The following PIWIL3 variants were observed in gnomAD, a reference collection of about 807,000 sequenced individuals.
PIWIL3 encodes the protein piwi like RNA-mediated gene silencing 3, also known as piwi-like protein 3.
In PIWIL3, 101 loss-of-function variants were observed where a neutral mutation model predicts 109.7. The ratio of observed to expected loss-of-function variants is 0.92; its 90% CI spans 0.78 to 1.09. The LOEUF is 1.09. PIWIL3 is among the 50% of genes least tolerant of loss of function. The pLI is 0.00. For synonymous variants in PIWIL3, 373 were observed against 376.4 expected (o/e 0.99, Z 0.10); for missense variants, 1,031 against 1,072.6 (o/e 0.96, Z 0.54).
At chr22:24,772,898 T>G (rs199881179) in intron 1 of PIWIL3, among the ~76,000 whole-genome samples, 1 of 152,182 alleles carries the variant, frequency 6.6e-6, no homozygotes, top group East Asian at 1.9e-4. Context: ...TTAACAGTTA[T>G]CTGGACCTCA....
intron 3 of PIWIL3, among the ~76,000 whole-genome samples, chr22:24,758,494 T>C (rs945664044): frequency 1.3e-5 from 2 of 152,250 alleles, no homozygotes; most frequent in Non-Finnish European, 2.9e-5. Flanking sequence ...CTATTTCAAC[T>C]TACATTCTAA....
chr22:24,744,373 C>A (rs1924228540), intron 12 of PIWIL3, among the ~76,000 whole-genome samples: 1 of 151,840 alleles, frequency 6.6e-6, no homozygotes. Flanking sequence ...GAGTTCGAGA[C>A]CAGCCTGACC....
At chr22:24,755,962 T>C (rs1925008617) in intron 5 of PIWIL3, 57 bp from the exon 6 acceptor site, 19 of 1,565,858 alleles carry the variant, frequency 1.2e-5, no homozygotes, top group Non-Finnish European at 1.7e-5. Flanking sequence ...AAAACTAAAC[T>C]TCATTGCACG....
chr22:24,743,902 G>C (rs1924154101), intron 12 of PIWIL3, among the ~76,000 whole-genome samples: 1 of 152,012 alleles, frequency 6.6e-6, no homozygotes, highest in Non-Finnish European at 1.5e-5. Context: ...TTGTTTGTTT[G>C]CAAGCAGTGT....
chr22:24,755,524 G>A (rs1012801424), intron 6 of PIWIL3, among the ~76,000 whole-genome samples: 3 of 152,118 alleles, frequency 2.0e-5, no homozygotes, highest in Non-Finnish European at 2.9e-5. Flanking sequence ...GATGTGCACA[G>A]CTGATGTCTA....
At chr22:24,736,864 T>C (rs935368022) in intron 12 of PIWIL3, among the ~76,000 whole-genome samples, 4 of 152,092 alleles carry the variant, frequency 2.6e-5, no homozygotes, top group Admixed American at 1.3e-4. Flanking sequence ...TGGCCACCCA[T>C]AGGGGGAACA....
intron 12 of PIWIL3, among the ~76,000 whole-genome samples, chr22:24,743,994 A>G (rs1924162236): frequency 6.6e-6 from 1 of 152,054 alleles, no homozygotes; most frequent in Admixed American, 6.5e-5. Context: ...TGGATACACA[A>G]AACAAACAAG....
chr22:24,719,891 C>A lies in PIWIL3; in HGVS notation c.2362G>T (p.Asp788Tyr), dbSNP rs933056044. The change falls in exon 20 of 21, where the codon GAC becomes TAC. Residue 788 changes from aspartate (D) to tyrosine (Y), a missense_variant. Coordinates refer to ENST00000616349, the MANE Select transcript of PIWIL3 (RefSeq NM_001255975.1). Reference sequence around the variant, plus strand: ...ACAGACTGACTCACAATAAAAAAGTCATACCTGGAAATATAGGACATGTGG... The same window carrying A: ...ACAGACTGACTCACAATAAAAAAGTAATACCTGGAAATATAGGACATGTGG... ...DVELTRNEWY[D>Y]FFIVSQSVQD... is the part of the protein sequence containing the mutation. 3 of 1,608,534 alleles carry A rather than the reference C, an allele frequency of 1.9e-6. No homozygotes were observed. The highest frequency in any genetic ancestry group is 2.6e-6 in the Non-Finnish European group (3 of 1,176,050).
intron 12 of PIWIL3, among the ~76,000 whole-genome samples, chr22:24,741,741 A>C (rs1261195671): frequency 6.6e-6 from 1 of 152,196 alleles, no homozygotes; most frequent in African/African-American, 2.4e-5. Flanking sequence ...AGGAACACCC[A>C]AAATCATGCA....
At chr22:24,741,452 C>A (rs146585108) in intron 12 of PIWIL3, among the ~76,000 whole-genome samples, 226 of 152,164 alleles carry the variant, frequency 1.5e-3, no homozygotes, top group African/African-American at 5.3e-3. Flanking sequence ...TGTAGTGAAC[C>A]AAGGTTGTGC....
intron 1 of PIWIL3, among the ~76,000 whole-genome samples, chr22:24,763,103 A>G (rs1260992883): frequency 6.6e-6 from 1 of 151,986 alleles, no homozygotes; most frequent in Non-Finnish European, 1.5e-5. Context: ...TCAGCAGAGA[A>G]GCATCCTATA....
At position 24,748,928 on chromosome 22, in the gene PIWIL3, GT is replaced by G. The variant is rs1924537344; in HGVS notation, c.1427del (p.Asn476ThrfsTer21). The part of the protein sequence containing the change: ...SVPGRVLKNA[N>X]IVQGRRMVKA... ...TTACCATTCTTCTGCCTTGCACGAT[GT>G]TTGCGTTTTTCAAAACTCTTCCCGG... On this transcript the variant is annotated frameshift_variant, in exon 12 of 21. Coordinates refer to ENST00000616349, the MANE Select transcript of PIWIL3 (RefSeq NM_001255975.1). LOFTEE classifies it high-confidence loss of function. The G allele has an allele frequency of 6.2e-7, 1 of 1,612,486 alleles. No individual in the cohort carries two copies. The highest frequency in any genetic ancestry group is 1.7e-5 in the Admixed American group (1 of 59,742).
At chr22:24,743,664 T>G (rs1924140329) in intron 12 of PIWIL3, among the ~76,000 whole-genome samples, 1 of 152,118 alleles carries the variant, frequency 6.6e-6, no homozygotes, top group African/African-American at 2.4e-5. Context: ...CTTTGGGGAC[T>G]GCGGGGAAGG....
chr22:24,762,822 C>T (rs1307918600), intron 1 of PIWIL3, among the ~76,000 whole-genome samples: 1 of 152,110 alleles, frequency 6.6e-6, no homozygotes, highest in Non-Finnish European at 1.5e-5. Flanking sequence ...CAGGCAGGTG[C>T]TAATCCAAAC....
chr22:24,749,354 T>G (rs1397614273), intron 11 of PIWIL3, 50 bp downstream of exon 11: 1 of 1,599,212 alleles, frequency 6.3e-7, no homozygotes, highest in African/African-American at 1.3e-5. Flanking sequence ...TCAGCTTCAC[T>G]GGGACACCAT....
chr22:24,753,959 G>A (rs1924857409), intron 8 of PIWIL3, 55 bp downstream of exon 8: 1 of 1,438,238 alleles, frequency 7.0e-7, no homozygotes, highest in Admixed American at 1.7e-5. Flanking sequence ...CATCTCTTGG[G>A]GTGGGGGAAG....
intron 1 of PIWIL3, among the ~76,000 whole-genome samples, chr22:24,766,955 C>T (rs1411915892): frequency 8.7e-6 from 1 of 115,548 alleles, no homozygotes; most frequent in Non-Finnish European, 1.8e-5. Flanking sequence ...CATCAAGACA[C>T]CGTCTCTAAA....
At chr22:24,761,807 A>G in intron 2 of PIWIL3, 1 of 300,154 alleles carries the variant, frequency 3.3e-6, no homozygotes, top group Non-Finnish European at 4.9e-6. Flanking sequence ...AATTAGGACC[A>G]GGAGGAGGAA....
chr22:24,761,874 T>C, intron 2 of PIWIL3: 1 of 830,044 alleles, frequency 1.2e-6, no homozygotes, highest in South Asian at 5.5e-5. Flanking sequence ...GCAGAATAAG[T>C]GGACCTGGAA....
Sources: gnomAD v4.1 joint callset for allele counts (sites outside exome capture counted in the v4.1 genomes callset) on GRCh38, gnomAD v4.1.1 for gene constraint, MANE v1.5 for transcripts, NCBI Gene and HGNC (gene_info 2026-07-23, HGNC 2026-07-21) for gene names.